The following LTBP2 variants were observed in gnomAD, a reference collection of about 807,000 sequenced individuals.
LTBP2 encodes latent-transforming growth factor beta-binding protein 2.
In LTBP2, 103 loss-of-function variants were observed where a neutral mutation model predicts 210.6. The observed-to-expected ratio is 0.49, with a 90% CI of 0.42 to 0.58. The LOEUF (loss-of-function observed/expected upper bound fraction) is 0.58, where lower values mean the gene tolerates loss of function less well. Among genes scored for constraint, LTBP2 ranks in the 20% least tolerant of loss-of-function variants. The pLI is 0.00. For synonymous variants in LTBP2, 1,007 were observed against 1,015.0 expected (o/e 0.99, Z 0.15); for missense variants, 2,313 against 2,494.5 (o/e 0.93, Z 1.55).
intron 6 of LTBP2, 83 bp from the exon 7 acceptor site, chr14:74,551,433 T>C: frequency 1.5e-6 from 2 of 1,368,590 alleles, no homozygotes; most frequent in Non-Finnish European, 2.0e-6. Context: ...CCACCACCCC[T>C]GGGCCAGGCA....
Position 74,509,291 on chromosome 14 carries a change from C to T in LTBP2, c.3350G>A (p.Cys1117Tyr). 1 of 1,613,674 alleles carries T rather than the reference C, an allele frequency of 6.2e-7. No individual in the cohort carries two copies. The highest frequency in any genetic ancestry group is 8.5e-7 in the Non-Finnish European group (1 of 1,179,998). Residue 1117 changes from cysteine (C) to tyrosine (Y), a missense_variant, in exon 22 of 36, where the codon TGC (cysteine) becomes TAC (tyrosine). This residue lies in a region of LTBP2 where 1,867 missense variants were observed against 1,976.9 expected (regional missense o/e 0.94). Transcript: ENST00000261978. ...VCTNTAGSFS[C>Y]KDCDGGYRPS... ...CCGGTAGCCCCCATCGCAGTCCTTG[C>T]AGGAGAAGGAGCCAGCCGTGTTGGT...
chr14:74,507,245 C>T lies in LTBP2; in HGVS notation c.3841G>A (p.Gly1281Ser). The change falls in exon 26 of 36, where the codon GGC becomes AGC. Residue 1281 changes from glycine to serine, a missense_variant. Coordinates refer to ENST00000261978, the MANE Select transcript of LTBP2 (RefSeq NM_000428.3). ...CAGCCCAGAACACAGCGGTAGGAGC[C>T]AGGGCTGTTTTCACACTTCCAGGTG... ...CGTWKCENSP[G>S]SYRCVLGCQP... is the part of the protein sequence containing the mutation. The T allele has an allele frequency of 6.2e-7, 1 of 1,614,218 alleles. No individual in the cohort carries two copies. The highest frequency in any genetic ancestry group is 8.5e-7 in the Non-Finnish European group (1 of 1,180,028).
At chr14:74,522,326 C>A (rs1199571471) in intron 16 of LTBP2, among the ~76,000 whole-genome samples, 1 of 152,220 alleles carries the variant, frequency 6.6e-6, no homozygotes, top group Non-Finnish European at 1.5e-5. Context: ...TTTGAAACCA[C>A]AATGGATATT....
intron 3 of LTBP2, among the ~76,000 whole-genome samples, chr14:74,581,666 C>T (rs2088138476): frequency 6.6e-6 from 1 of 151,514 alleles, no homozygotes; most frequent in Non-Finnish European, 1.5e-5. Flanking sequence ...GAAACCGAGC[C>T]CCCCTAGAGC....
At chr14:74,599,400 A>T (rs545161699) in intron 2 of LTBP2, among the ~76,000 whole-genome samples, 2 of 150,924 alleles carry the variant, frequency 1.3e-5, no homozygotes, top group East Asian at 4.0e-4. Flanking sequence ...GAGTATTCAA[A>T]TCCCCTTCCC....
chr14:74,551,285 G>T lies in LTBP2; in HGVS notation c.1465C>A (p.His489Asn). The T allele has an allele frequency of 6.2e-7, 1 of 1,607,346 alleles. No homozygotes were observed. ...CCGCCCCGCACCTGGGCCACCTGGT[G>T]GATCTGCACTGAGGCCTCGGGTGGG... ...HHPPEASVQI[H>N]QVAQVRGGVE... is the part of the protein sequence containing the mutation. The change falls in exon 7 of 36, where the codon CAC (histidine) becomes AAC (asparagine). Residue 489 changes from histidine to asparagine, a missense_variant. Physicochemically the swap from His to Asn is moderately conservative, Grantham distance 68 (BLOSUM62 1). Transcript: ENST00000261978.
At chr14:74,506,935 C>G in intron 26 of LTBP2, 112 bp from the exon 27 acceptor site, 1 of 1,559,810 alleles carries the variant, frequency 6.4e-7, no homozygotes, top group South Asian at 1.2e-5. Flanking sequence ...TCGTTCTCTG[C>G]TGAGAATACT....
intron 35 of LTBP2, 58 bp downstream of exon 35, chr14:74,501,383 C>A: frequency 6.2e-7 from 1 of 1,612,974 alleles, no homozygotes; most frequent in South Asian, 1.1e-5. Flanking sequence ...TTCCTGAGTT[C>A]AGGCGTCTCT....
intron 3 of LTBP2, among the ~76,000 whole-genome samples, chr14:74,569,930 C>A (rs2087953491): frequency 1.3e-5 from 2 of 152,138 alleles, no homozygotes; most frequent in South Asian, 4.1e-4. Context: ...GCTCATCTCA[C>A]CCCTCCCATC....
chr14:74,523,831 G>A (rs1009444333), intron 15 of LTBP2, among the ~76,000 whole-genome samples: 2 of 152,020 alleles, frequency 1.3e-5, no homozygotes, highest in African/African-American at 2.4e-5. Flanking sequence ...GGGAGAAGCC[G>A]AAGACCCAAG....
chr14:74,597,211 T>C lies in LTBP2; in HGVS notation c.565+6424A>G, dbSNP rs2088378650. ...CAGCATTTGGCACATCCAGGCAGAGTGAGCCCCGGGCATTACTGTTAGTAT... is the reference window on the plus strand; with the variant it reads ...CAGCATTTGGCACATCCAGGCAGAGCGAGCCCCGGGCATTACTGTTAGTAT... On this transcript the variant is annotated intron_variant, in intron 2 of 35. Coordinates refer to ENST00000261978, the MANE Select transcript of LTBP2 (RefSeq NM_000428.3). Among the ~76,000 whole-genome samples the C allele has an allele frequency of 3.3e-5, 5 of 152,158 alleles. No individual in the cohort carries two copies. The South Asian group carries it at 1.0e-3, about 32-fold the overall frequency.
intron 3 of LTBP2, among the ~76,000 whole-genome samples, chr14:74,571,935 C>T (rs1414529077): frequency 6.7e-6 from 1 of 149,946 alleles, no homozygotes; most frequent in Non-Finnish European, 1.5e-5. Context: ...AGACCTTTCA[C>T]AAATATTTTT....
At chr14:74,580,662 C>A (rs2088124154) in intron 3 of LTBP2, among the ~76,000 whole-genome samples, 1 of 152,134 alleles carries the variant, frequency 6.6e-6, no homozygotes, top group Non-Finnish European at 1.5e-5. Flanking sequence ...GTTATGGAAG[C>A]CTTAGAAAAC....
intron 2 of LTBP2, among the ~76,000 whole-genome samples, chr14:74,595,691 C>CA (rs2088350536): frequency 6.6e-6 from 1 of 152,196 alleles, no homozygotes; most frequent in South Asian, 2.1e-4. Context: ...GCATGAAGGA[C>CA]AGTTTGGCCC....
At position 74,559,195 on chromosome 14, in the gene LTBP2, G is replaced by A. The variant is rs188510035; in HGVS notation, c.831-3502C>T. Reference sequence around the variant, plus strand: ...GGGCCACTTAAAGTTCTTCTTTAAGGGAAATAAAAAGACTCCAGAAAAAAG... The same window carrying A: ...GGGCCACTTAAAGTTCTTCTTTAAGAGAAATAAAAAGACTCCAGAAAAAAG... On this transcript the variant is annotated intron_variant, in intron 3 of 35. Transcript: ENST00000261978. Among the ~76,000 whole-genome samples the A allele has an allele frequency of 2.0e-4, 31 of 152,232 alleles. 1 individual carries two copies. The highest frequency in any genetic ancestry group is 1.4e-3 in the Admixed American group (22 of 15,286).
intron 33 of LTBP2, 33 bp downstream of exon 33, chr14:74,503,186 G>T: frequency 6.2e-7 from 1 of 1,612,042 alleles, no homozygotes. Context: ...GCCTGGCCCA[G>T]CCCTGCAGGG....
At position 74,611,676 on chromosome 14, in the gene LTBP2, G is replaced by T. The variant is rs574843979; in HGVS notation, c.269C>A (p.Pro90Gln). The change falls in exon 1 of 36, where the codon CCG (proline) becomes CAG (glutamine). Residue 90 changes from proline (P) to glutamine (Q), a missense_variant. By Grantham distance (76) the Pro-to-Gln change is moderately conservative. Around this residue, in one of 3 missense-constraint regions of LTBP2, gnomAD observed 1,867 missense variants for 1,976.9 expected, o/e 0.94. Coordinates refer to ENST00000261978, the MANE Select transcript of LTBP2 (RefSeq NM_000428.3). ...AGLQPVERAQ[P>Q]GWGSPRRPTE... ...GGGCCTCCTGGGGCTCCCCCAGCCC[G>T]GCTGGGCCCGCTCCACGGGCTGCAA... 14 of 1,567,598 alleles carry T rather than the reference G, an allele frequency of 8.9e-6. No individual in the cohort carries two copies. The highest frequency in any genetic ancestry group is 4.0e-5 in the African/African-American group (3 of 74,168).
chr14:74,596,730 G>C (rs2088370322), intron 2 of LTBP2, among the ~76,000 whole-genome samples: 1 of 152,240 alleles, frequency 6.6e-6, no homozygotes, highest in South Asian at 2.1e-4. Flanking sequence ...TGATGTCAAA[G>C]CCTGAGTGAG....
intron 2 of LTBP2, among the ~76,000 whole-genome samples, chr14:74,596,148 C>T (rs2088356931): frequency 1.3e-5 from 2 of 151,990 alleles, no homozygotes; most frequent in Non-Finnish European, 2.9e-5. Context: ...CTGCTTGAAC[C>T]TGGGAGGCCG....
Sources: gnomAD v4.1 joint callset for allele counts (sites outside exome capture counted in the v4.1 genomes callset) on GRCh38, gnomAD v4.1.1 for gene constraint, gnomAD v4.1.1 regional missense constraint, MANE v1.5 for transcripts, NCBI Gene and HGNC (gene_info 2026-07-23, HGNC 2026-07-21) for gene names.